ARHGEF7: variants seen among roughly 807,000 people sequenced by gnomAD.
ARHGEF7 encodes the protein PAK-interacting exchange factor beta.
Under a neutral mutation model 109.8 loss-of-function variants are expected in ARHGEF7, and 33 were observed. The ratio of observed to expected loss-of-function variants is 0.30; its 90% CI spans 0.23 to 0.40. The LOEUF is 0.40. ARHGEF7 is among the 10% of genes least tolerant of loss of function. The pLI is 1.00. For missense variants in ARHGEF7, 938 were observed against 1,098.5 expected (o/e 0.85, Z 2.07); for synonymous variants, 458 against 424.6 (o/e 1.08, Z -0.97).
upstream of ARHGEF7, chr13:111,115,023 C>T (rs1043538091): frequency 2.6e-5 from 4 of 151,914 alleles, no homozygotes; most frequent in Non-Finnish European, 5.9e-5. Flanking sequence ...AGTGCCCCGG[C>T]CAGGGGCGCG....
At position 111,277,654 on chromosome 13, in the gene ARHGEF7, T is replaced by G; in HGVS notation, c.1487T>G (p.Met496Arg). 1 of 1,599,068 alleles carries G rather than the reference T, an allele frequency of 6.3e-7. No homozygotes were observed. Among genetic ancestry groups the G allele is most frequent in the Non-Finnish European group, 8.6e-7 (1 of 1,166,628 alleles). ...CTAATGTTGTCTGCCAGTCCTAGGA[T>G]GAGTGGCTTTATCTATCAGGTAAAA... The part of the protein sequence containing the change: ...VLLMLSASPR[M>R]SGFIYQGKLP... Residue 496 changes from methionine to arginine, a missense_variant, in exon 13 of 22, where the codon ATG becomes AGG. By Grantham distance (91) the Met-to-Arg change is moderately conservative. Coordinates refer to ENST00000646102, the MANE Select transcript of ARHGEF7 (RefSeq NM_001354046.2).
chr13:111,200,723 T>TA (rs1455960006), intron 2 of ARHGEF7, among the ~76,000 whole-genome samples: 1 of 152,250 alleles, frequency 6.6e-6, no homozygotes, highest in African/African-American at 2.4e-5. Flanking sequence ...CACCATCTGA[T>TA]ACGTAGTCTG....
rs192907118 is a variant in ARHGEF7 at position 111,244,469 on chromosome 13, G to T, written c.950+175G>T. Among the ~76,000 whole-genome samples, 158 of 152,292 alleles carry T rather than the reference G, an allele frequency of 1.0e-3. 1 individual carries two copies. The highest frequency in any genetic ancestry group is 3.6e-3 in the African/African-American group (148 of 41,546). On this transcript the variant is annotated intron_variant, in intron 8 of 21. Coordinates refer to ENST00000646102, the MANE Select transcript of ARHGEF7 (RefSeq NM_001354046.2). ...AGCTGTATTTTAGACTGTCTAGTTT[G>T]TATAGCAGGAATCTTCAGAGAAAGA...
intron 2 of ARHGEF7, among the ~76,000 whole-genome samples, chr13:111,168,592 A>G (rs1329613823): frequency 2.0e-5 from 3 of 152,240 alleles, no homozygotes; most frequent in Non-Finnish European, 4.4e-5. Flanking sequence ...ATGATTGAAA[A>G]GGGATATCCT....
intron 6 of ARHGEF7, among the ~76,000 whole-genome samples, chr13:111,236,835 A>G (rs2086904637): frequency 6.6e-6 from 1 of 152,054 alleles, no homozygotes; most frequent in African/African-American, 2.4e-5. Context: ...CTGGGTGGCA[A>G]ATGCCTGTAG....
At chr13:111,190,956 C>T (rs1265169533) in intron 2 of ARHGEF7, among the ~76,000 whole-genome samples, 1 of 152,082 alleles carries the variant, frequency 6.6e-6, no homozygotes, top group Non-Finnish European at 1.5e-5. Context: ...TGAGTGGCTC[C>T]CTGTGTTCTG....
At chr13:111,154,538 C>A (rs914156911) in intron 2 of ARHGEF7, among the ~76,000 whole-genome samples, 1 of 152,064 alleles carries the variant, frequency 6.6e-6, no homozygotes, top group African/African-American at 2.4e-5. Context: ...TTTTCCGTAC[C>A]CTCAACACTT....
chr13:111,236,629 A>G (rs1249593365), intron 6 of ARHGEF7, among the ~76,000 whole-genome samples: 3 of 152,094 alleles, frequency 2.0e-5, no homozygotes, highest in African/African-American at 7.2e-5. Flanking sequence ...TTTGGGTAGC[A>G]TAATTTAGTA....
At chr13:111,275,791 T>A (rs2092441668) in intron 12 of ARHGEF7, 113 bp downstream of exon 12, 2 of 1,357,126 alleles carry the variant, frequency 1.5e-6, no homozygotes, top group East Asian at 4.7e-5. Flanking sequence ...AAGCTCTATC[T>A]TATAATTTGT....
chr13:111,115,138 G>T, upstream of ARHGEF7: 1 of 137,032 alleles, frequency 7.3e-6, no homozygotes, highest in South Asian at 2.7e-4. Flanking sequence ...TCCCTTCCCC[G>T]CCCGCTCCCA....
chr13:111,130,683 G>A (rs1041147747), intron 1 of ARHGEF7, among the ~76,000 whole-genome samples: 4 of 152,344 alleles, frequency 2.6e-5, no homozygotes, highest in Admixed American at 6.5e-5. Context: ...AGAATTACAC[G>A]AACTGATTGT....
At chr13:111,214,347 C>T (rs1216678873) in intron 4 of ARHGEF7, among the ~76,000 whole-genome samples, 1 of 152,232 alleles carries the variant, frequency 6.6e-6, no homozygotes, top group Non-Finnish European at 1.5e-5. Context: ...CAAGGGTGAT[C>T]TCGGGCACCT....
chr13:111,290,508 C>T (rs2093233527), intron 18 of ARHGEF7, among the ~76,000 whole-genome samples: 1 of 152,156 alleles, frequency 6.6e-6, no homozygotes, highest in Admixed American at 6.5e-5. Flanking sequence ...CAAGGGGAGT[C>T]CTGGAACCAA....
In ARHGEF7 at chr13:111,154,004, G is replaced by C; in HGVS notation, c.252+13G>C. Reference sequence around the variant, plus strand: ...CCTGCGGCTGGAGGTGAGCGCGGGCGGCCACGGGCCGAGGGAGGGGCCGGG... The same window carrying C: ...CCTGCGGCTGGAGGTGAGCGCGGGCCGCCACGGGCCGAGGGAGGGGCCGGG... On this transcript the variant is annotated intron_variant, in intron 2 of 21. Transcript: ENST00000646102. 1 of 1,594,256 alleles carries C rather than the reference G, an allele frequency of 6.3e-7. No homozygotes were observed. The highest frequency in any genetic ancestry group is 8.5e-7 in the Non-Finnish European group (1 of 1,173,922).
At chr13:111,194,615 C>T (rs1403187545) in intron 2 of ARHGEF7, among the ~76,000 whole-genome samples, 3 of 152,222 alleles carry the variant, frequency 2.0e-5, no homozygotes, top group African/African-American at 7.2e-5. Flanking sequence ...CTAGAAAGTT[C>T]AGGAGATCTA....
At chr13:111,148,142 C>T (rs1308975570) in intron 1 of ARHGEF7, among the ~76,000 whole-genome samples, 1 of 152,248 alleles carries the variant, frequency 6.6e-6, no homozygotes. Context: ...GTGCGTCTCA[C>T]TCTTTGCATT....
intron 19 of ARHGEF7, among the ~76,000 whole-genome samples, chr13:111,295,747 G>C (rs1429022009): frequency 6.6e-6 from 1 of 152,234 alleles, no homozygotes; most frequent in Non-Finnish European, 1.5e-5. Context: ...AAATGGCCTA[G>C]ATGACTTTTG....
rs189413441 is a variant in ARHGEF7, at chr13:111,153,655, C to T, written c.166-250C>T. ...CGCGGTCTGAGGACGTCACTTCCGG[C>T]GCCGGGGCTCACTTCCTGGTGCGGG... On this transcript the variant is annotated intron_variant, in intron 1 of 21. Transcript: ENST00000646102. 235 of 1,232,418 alleles carry T rather than the reference C, an allele frequency of 1.9e-4. No individual in the cohort carries two copies. In the African/African-American group the frequency reaches 3.3e-3, roughly 17 times the overall value. 76.3% of individuals were successfully genotyped at this position (1,232,418 alleles called of 1,614,324 possible).
intron 2 of ARHGEF7, among the ~76,000 whole-genome samples, chr13:111,160,334 G>GTT (rs549048706): frequency 1.4e-4 from 20 of 143,808 alleles, no homozygotes; most frequent in African/African-American, 3.3e-4. Flanking sequence ...AGTTATTGGG[G>GTT]TTTTTTTTTT....
Sources: allele counts gnomAD v4.1 joint callset (sites outside exome capture counted in the v4.1 genomes callset), GRCh38; gene constraint gnomAD v4.1.1; transcripts MANE v1.5; gene names NCBI Gene and HGNC (gene_info 2026-07-23, HGNC 2026-07-21).